The following MAML3 variants were observed in gnomAD, a reference collection of about 807,000 sequenced individuals.
The protein encoded by MAML3 is mastermind-like protein 3.
A neutral mutation model predicts 101.9 loss-of-function variants in MAML3; 27 were observed. The ratio of observed to expected loss-of-function variants is 0.27; its 90% CI spans 0.20 to 0.37. MAML3 has a LOEUF of 0.37. MAML3 is among the 10% of genes least tolerant of loss of function. MAML3 has a pLI of 1.00. For missense variants in MAML3, 1,316 were observed against 1,444.9 expected (o/e 0.91, Z 1.45); for synonymous variants, 501 against 555.9 (o/e 0.90, Z 1.39).
At position 139,878,773 on chromosome 4, in the gene MAML3, A is replaced by G. The variant is rs146869935; in HGVS notation, c.2079+10584T>C. Among the ~76,000 whole-genome samples the G allele has an allele frequency of 2.7e-3, 414 of 152,298 alleles. 2 individuals are homozygous for G. Among genetic ancestry groups the G allele is most frequent in the African/African-American group, 9.7e-3 (403 of 41,558 alleles). On this transcript the variant is annotated intron_variant, in intron 2 of 4. Coordinates refer to ENST00000509479, the MANE Select transcript of MAML3 (RefSeq NM_018717.5). ...GTGATTGAGCATCAGAACACGGAAC[A>G]CAGGGTTGTGGCTGACCTCTGTGCC...
intron 2 of MAML3, among the ~76,000 whole-genome samples, chr4:139,752,256 A>G (rs1365950545): frequency 6.6e-6 from 1 of 152,262 alleles, no homozygotes; most frequent in East Asian, 1.9e-4. Flanking sequence ...ATGGTGTGCC[A>G]TCAGTTGTAA....
chr4:139,813,530 T>A (rs1461300615), intron 2 of MAML3, among the ~76,000 whole-genome samples: 2 of 152,234 alleles, frequency 1.3e-5, no homozygotes, highest in African/African-American at 4.8e-5. Context: ...CTGAAAGTTA[T>A]TTACAGCCTA....
In MAML3 at chr4:139,874,396, T is replaced by G. The variant is rs192738513; in HGVS notation, c.2079+14961A>C. On this transcript the variant is annotated intron_variant, in intron 2 of 4. Transcript: ENST00000509479. ...ATCTTGTCAGAGCCAAGATTGATTT[T>G]TTTTAAAAAAATCACCAGTGAAACT... Among the ~76,000 whole-genome samples the G allele has an allele frequency of 5.3e-5, 8 of 152,298 alleles. No homozygotes were observed. The East Asian group carries it at 1.3e-3, about 26-fold the overall frequency.
intron 1 of MAML3, among the ~76,000 whole-genome samples, chr4:139,891,662 C>T (rs558891571): frequency 1.3e-5 from 2 of 152,210 alleles, no homozygotes; most frequent in South Asian, 2.1e-4. Context: ...TAAATGAGAA[C>T]ATCAAGGAAT....
At chr4:140,147,933 T>TGTGTGC (rs34300983) in intron 1 of MAML3, among the ~76,000 whole-genome samples, 1 of 150,974 alleles carries the variant, frequency 6.6e-6, no homozygotes, top group East Asian at 2.0e-4. Context: ...TGTGTGTGTG[T>TGTGTGC]GCACGTGCAT....
chr4:139,979,692 T>A (rs1436826901), intron 1 of MAML3, among the ~76,000 whole-genome samples: 1 of 152,224 alleles, frequency 6.6e-6, no homozygotes, highest in Non-Finnish European at 1.5e-5. Flanking sequence ...CTTTCTGCCA[T>A]GTGAGGACAC....
At chr4:139,757,788 G>A (rs1424347746) in intron 2 of MAML3, among the ~76,000 whole-genome samples, 2 of 152,022 alleles carry the variant, frequency 1.3e-5, no homozygotes, top group South Asian at 2.1e-4. Context: ...GGCTGAATGT[G>A]TCTTGCTCTT....
rs537316525 is a variant in MAML3 at position 139,889,860 on chromosome 4, T to C, written c.1576A>G (p.Ser526Gly). 6.8e-6 allele frequency: 11 copies of C among 1,613,680 alleles called. No individual in the cohort carries two copies. The South Asian group carries it at 1.1e-4, about 16-fold the overall frequency. Residue 526 changes from serine to glycine, a missense_variant, in exon 2 of 5, where the codon AGT (serine) becomes GGT (glycine). Ser to Gly is a moderately conservative substitution (Grantham distance 56). Transcript: ENST00000509479. ...GCAGTAAAAGCTGCTCCATATGGAC[T>C]AGAGGGAGGTCCTAAGGGAGACCAA... ...SNWSPLGPPSSPYGAAFTAEK... is the reference protein window; with the variant it reads ...SNWSPLGPPSGPYGAAFTAEK...
intron 1 of MAML3, among the ~76,000 whole-genome samples, chr4:140,114,281 C>A (rs1229155660): frequency 6.6e-6 from 1 of 152,178 alleles, no homozygotes; most frequent in African/African-American, 2.4e-5. Context: ...GTGGAGAAAT[C>A]TCACCAGCTA....
At chr4:140,091,328 T>C (rs1353486699) in intron 1 of MAML3, among the ~76,000 whole-genome samples, 1 of 152,116 alleles carries the variant, frequency 6.6e-6, no homozygotes, top group Non-Finnish European at 1.5e-5. Flanking sequence ...GGGGCTGAGC[T>C]TCTCCTACCT....
At chr4:139,923,045 G>A (rs2111236326) in intron 1 of MAML3, among the ~76,000 whole-genome samples, 1 of 152,274 alleles carries the variant, frequency 6.6e-6, no homozygotes, top group South Asian at 2.1e-4. Context: ...GGGTGCCAGA[G>A]GGATACGTAA....
At chr4:139,873,899 T>C (rs947324461) in intron 2 of MAML3, among the ~76,000 whole-genome samples, 2 of 152,244 alleles carry the variant, frequency 1.3e-5, no homozygotes, top group Admixed American at 6.5e-5. Context: ...TTGTTTGAAG[T>C]GGCTATGTTT....
chr4:139,918,186 C>T (rs1733060525), intron 1 of MAML3, among the ~76,000 whole-genome samples: 1 of 152,164 alleles, frequency 6.6e-6, no homozygotes. Context: ...CCACCAGCAT[C>T]CAGAGTCACT....
intron 2 of MAML3, among the ~76,000 whole-genome samples, chr4:139,850,901 AT>A (rs985363005): frequency 8.6e-5 from 13 of 151,584 alleles, no homozygotes; most frequent in South Asian, 6.2e-4. Context: ...TATTTGCAAG[AT>A]TAAAAAAAAA....
chr4:139,968,528 A>G (rs142413102), intron 1 of MAML3, among the ~76,000 whole-genome samples: 9 of 152,212 alleles, frequency 5.9e-5, no homozygotes, highest in African/African-American at 1.9e-4. Context: ...TCTTACAGTA[A>G]TAAGTTTGAT....
chr4:139,880,876 C>G (rs1049379392), intron 2 of MAML3, among the ~76,000 whole-genome samples: 3 of 152,098 alleles, frequency 2.0e-5, no homozygotes, highest in African/African-American at 7.2e-5. Flanking sequence ...CCAGTACAAT[C>G]ACAATACAGG....
intron 1 of MAML3, among the ~76,000 whole-genome samples, chr4:140,047,540 C>A (rs949408072): frequency 1.3e-5 from 2 of 152,232 alleles, no homozygotes; most frequent in African/African-American, 2.4e-5. Flanking sequence ...CAGCTCCAAA[C>A]TCTCAGCACA....
In MAML3 at chr4:139,719,908, T is replaced by C; in HGVS notation, c.2832A>G (p.Gln944=). Residue 944 remains glutamine, a synonymous_variant, in exon 5 of 5, where the codon CAA becomes CAG. Transcript: ENST00000509479. ...TAAGGCTCTGCAGCCTTGGAGGGGC[T>C]TGGGGCCTAGGCAAGGCCTGGCCTA... ...GPVGQALPRP[Q]APPRLQSLMG... is the part of the protein sequence containing the mutation. 1 of 1,614,042 alleles carries C rather than the reference T, an allele frequency of 6.2e-7. No individual in the cohort carries two copies. Among genetic ancestry groups the C allele is most frequent in the Non-Finnish European group, 8.5e-7 (1 of 1,179,902 alleles).
chr4:140,143,294 A>G (rs1466280632), intron 1 of MAML3, among the ~76,000 whole-genome samples: 2 of 152,226 alleles, frequency 1.3e-5, no homozygotes, highest in Non-Finnish European at 2.9e-5. Flanking sequence ...TGGCTTGTGC[A>G]CGAGTGAAAT....
Sources: gnomAD v4.1 joint callset for allele counts (sites outside exome capture counted in the v4.1 genomes callset) on GRCh38, gnomAD v4.1.1 for gene constraint, MANE v1.5 for transcripts, NCBI Gene and HGNC (gene_info 2026-07-23, HGNC 2026-07-21) for gene names.